VPS13B: variants seen among roughly 807,000 people sequenced by gnomAD.
VPS13B encodes the protein vacuolar protein sorting 13 homolog B, also known as intermembrane lipid transfer protein VPS13B.
VPS13B carries 285 observed loss-of-function variants against 426.4 expected under a neutral mutation model. The ratio of observed to expected loss-of-function variants is 0.67; its 90% CI spans 0.61 to 0.74. The LOEUF (loss-of-function observed/expected upper bound fraction) is 0.74. VPS13B is among the 30% of genes least tolerant of loss of function. The pLI is 0.00. For missense variants in VPS13B, 4,537 were observed against 4,782.6 expected (o/e 0.95, Z 1.51); for synonymous variants, 1,676 against 1,676.4 (o/e 1.00, Z 0.01).
At chr8:99,745,858 C>G (rs1426506542) in intron 39 of VPS13B, among the ~76,000 whole-genome samples, 1 of 152,040 alleles carries the variant, frequency 6.6e-6, no homozygotes, top group Non-Finnish European at 1.5e-5. Context: ...TCCATATTAT[C>G]AGAGCCAACA....
chr8:99,687,604 AACAGGGCAGCATGAGTT>A (rs1273827377), intron 35 of VPS13B, among the ~76,000 whole-genome samples: 8 of 151,942 alleles, frequency 5.3e-5, no homozygotes, highest in Non-Finnish European at 1.2e-4. Flanking sequence ...TTTCCACTGT[AACAGGGCAGCATGAGTT>A]CCAATGCCAA....
chr8:99,729,512 G>A (rs747729210), intron 39 of VPS13B, among the ~76,000 whole-genome samples: 1 of 152,176 alleles, frequency 6.6e-6, no homozygotes, highest in Non-Finnish European at 1.5e-5. Context: ...TCTCCAGTGT[G>A]CTTAAGATCA....
chr8:99,519,818 G>A (rs1364410169), intron 29 of VPS13B, among the ~76,000 whole-genome samples: 4 of 150,438 alleles, frequency 2.7e-5, no homozygotes, highest in South Asian at 2.1e-4. Context: ...GGGGGAGGGT[G>A]GATGGATAGC....
chr8:99,225,128 G>A (rs527844784), intron 17 of VPS13B, among the ~76,000 whole-genome samples: 1 of 152,188 alleles, frequency 6.6e-6, no homozygotes, highest in African/African-American at 2.4e-5. Context: ...TCTTTCTCCT[G>A]TGTTGCTTCA....
intron 30 of VPS13B, among the ~76,000 whole-genome samples, chr8:99,536,405 A>G (rs1488952420): frequency 6.6e-6 from 1 of 152,192 alleles, no homozygotes; most frequent in Non-Finnish European, 1.5e-5. Context: ...AAACATTATA[A>G]TTTGTAACAT....
intron 19 of VPS13B, among the ~76,000 whole-genome samples, chr8:99,324,273 G>A (rs1810127853): frequency 6.6e-6 from 1 of 152,020 alleles, no homozygotes; most frequent in African/African-American, 2.4e-5. Context: ...ATAATTGTTG[G>A]GTACCTATTT....
At chr8:99,691,563 A>C (rs1831667295) in intron 35 of VPS13B, among the ~76,000 whole-genome samples, 2 of 152,086 alleles carry the variant, frequency 1.3e-5, no homozygotes, top group Non-Finnish European at 2.9e-5. Context: ...TGATAAGAAA[A>C]TACAGTGTCA....
intron 3 of VPS13B, among the ~76,000 whole-genome samples, chr8:99,055,412 C>G (rs567609356): frequency 3.9e-5 from 6 of 152,096 alleles, no homozygotes; most frequent in Non-Finnish European, 8.8e-5. Context: ...TTAGCTTTTT[C>G]AGTTTGGTTC....
intron 43 of VPS13B, among the ~76,000 whole-genome samples, chr8:99,794,799 A>G (rs894573892): frequency 5.3e-5 from 8 of 152,162 alleles, no homozygotes; most frequent in African/African-American, 1.7e-4. Flanking sequence ...ATTAACACCC[A>G]TGTATCTTTT....
rs1444225206 is a variant in VPS13B, at chr8:99,817,706, A to C, written c.8264A>C (p.Glu2755Ala). The C allele has an allele frequency of 1.2e-6, 2 of 1,613,918 alleles. No homozygotes were observed. The highest frequency in any genetic ancestry group is 2.7e-5 in the African/African-American group (2 of 74,888). The change falls in exon 45 of 62, where the codon GAA (glutamate) becomes GCA (alanine). Residue 2755 changes from glutamate to alanine, a missense_variant. By Grantham distance (107) the Glu-to-Ala change is moderately radical. Transcript: ENST00000357162. ...KLPSYILENNELTELCVKAKG... is the reference protein window; with the variant it reads ...KLPSYILENNALTELCVKAKG... ...CCTTCGTACATACTAGAAAACAATG[A>C]ACTGACGGAGCTGTGTGTGAAGGCC... is the stretch of plus-strand genomic sequence containing the variant.
chr8:99,721,005 G>T lies in VPS13B; in HGVS notation c.7008G>T (p.Glu2336Asp). 6.2e-7 allele frequency: 1 copy of T among 1,613,994 alleles called. No individual in the cohort carries two copies. Among genetic ancestry groups the T allele is most frequent in the Non-Finnish European group, 8.5e-7 (1 of 1,179,930 alleles). The change falls in exon 39 of 62, where the codon GAG (glutamate) becomes GAT (aspartate). Residue 2336 changes from glutamate (E) to aspartate (D), a missense_variant. Physicochemically the swap from Glu to Asp is conservative, Grantham distance 45. This residue lies in a region of VPS13B where 4,311 missense variants were observed against 4,474.3 expected (regional missense o/e 0.96). Transcript: ENST00000357162. ...RITPVPFNTTEDPDISTADLG... is the reference protein window; with the variant it reads ...RITPVPFNTTDDPDISTADLG... ...CTCCTGTACCTTTTAACACCACAGA[G>T]GATCCAGATATTAGCACAGCAGACC...
chr8:99,868,346 C>T lies in VPS13B; in HGVS notation c.11273C>T (p.Ala3758Val), dbSNP rs774771334. The T allele has an allele frequency of 6.2e-7, 1 of 1,614,128 alleles. No individual in the cohort carries two copies. The highest frequency in any genetic ancestry group is 8.5e-7 in the Non-Finnish European group (1 of 1,180,036). Residue 3758 changes from alanine to valine, a missense_variant, in exon 59 of 62, where the codon GCA (alanine) becomes GTA (valine). Around this residue, in one of 2 missense-constraint regions of VPS13B, gnomAD observed 4,311 missense variants for 4,474.3 expected, o/e 0.96. Transcript: ENST00000357162. ...CAGAACTTCCAGAAAACATCTGAGG[C>T]ACAGGCTTCAGCAGGACACAAGGCC... ...PMQNFQKTSEAQASAGHKAKG... is the reference protein window; with the variant it reads ...PMQNFQKTSEVQASAGHKAKG...
intron 3 of VPS13B, among the ~76,000 whole-genome samples, chr8:99,047,911 C>G (rs1403372929): frequency 6.6e-6 from 1 of 152,130 alleles, no homozygotes; most frequent in Non-Finnish European, 1.5e-5. Context: ...TGGTCTTGAA[C>G]TCCTGACCTC....
intron 3 of VPS13B, among the ~76,000 whole-genome samples, chr8:99,059,465 C>CAT (rs768290879): frequency 5.9e-5 from 9 of 151,916 alleles, no homozygotes; most frequent in Non-Finnish European, 1.3e-4. Context: ...CATGAGCCAC[C>CAT]ATACCCAGCC....
chr8:99,156,141 T>C (rs1811347429), intron 14 of VPS13B, among the ~76,000 whole-genome samples: 1 of 152,198 alleles, frequency 6.6e-6, no homozygotes, highest in Admixed American at 6.5e-5. Flanking sequence ...TGTAGTCCAT[T>C]TAGTTCTTTA....
intron 33 of VPS13B, among the ~76,000 whole-genome samples, chr8:99,632,263 G>A (rs1828879060): frequency 6.6e-6 from 1 of 151,902 alleles, no homozygotes; most frequent in Admixed American, 6.6e-5. Context: ...GCAGTTTGGA[G>A]ACTGGATTAC....
At chr8:99,570,138 G>A (rs1212972294) in intron 31 of VPS13B, among the ~76,000 whole-genome samples, 2 of 152,118 alleles carry the variant, frequency 1.3e-5, no homozygotes, top group Non-Finnish European at 2.9e-5. Flanking sequence ...CATCATGGGT[G>A]ATGAGCAGTT....
At chr8:99,775,109 A>G (rs1299306546) in intron 40 of VPS13B, among the ~76,000 whole-genome samples, 1 of 152,182 alleles carries the variant, frequency 6.6e-6, no homozygotes, top group Non-Finnish European at 1.5e-5. Flanking sequence ...CACCCATGCC[A>G]TTAAGTTCCT....
chr8:99,109,461 GC>G (rs1323569330), intron 5 of VPS13B, among the ~76,000 whole-genome samples: 1 of 150,708 alleles, frequency 6.6e-6, no homozygotes, highest in East Asian at 1.9e-4. Flanking sequence ...TTGGCTCACT[GC>G]AAGCTCCACC....
Sources: allele counts gnomAD v4.1 joint callset (sites outside exome capture counted in the v4.1 genomes callset), GRCh38; gene constraint gnomAD v4.1.1; regional missense constraint gnomAD v4.1.1; transcripts MANE v1.5; gene names NCBI Gene and HGNC (gene_info 2026-07-23, HGNC 2026-07-21).